NSF: variants seen among roughly 807,000 people sequenced by gnomAD.
NSF encodes the protein vesicle-fusing ATPase.
Under a neutral mutation model 50.3 loss-of-function variants are expected in NSF, and 14 were observed. The ratio of observed to expected loss-of-function variants is 0.28; its 90% CI spans 0.18 to 0.44. The LOEUF (loss-of-function observed/expected upper bound fraction) is 0.44. NSF is among the 20% of genes least tolerant of loss of function. The pLI is 1.00. For synonymous variants in NSF, 109 were observed against 175.7 expected (o/e 0.62, Z 3.00); for missense variants, 218 against 504.3 (o/e 0.43, Z 5.44).
At chr17:46,690,611 C>CAAAAAAA (rs771047574) in intron 9 of NSF, among the ~76,000 whole-genome samples, 1 of 91,864 alleles carries the variant, frequency 1.1e-5, no homozygotes, top group Non-Finnish European at 2.1e-5. Context: ...GACTCCGTCT[C>CAAAAAAA]AAAAAAAAAA....
At chr17:46,705,205 TC>T (rs1208117908) in intron 13 of NSF, among the ~76,000 whole-genome samples, 1 of 143,024 alleles carries the variant, frequency 7.0e-6, no homozygotes, top group Non-Finnish European at 1.5e-5. Flanking sequence ...CTAACTTCAG[TC>T]CATCTTCCAT....
At chr17:46,750,085 G>T (rs533313516) in intron 18 of NSF, among the ~76,000 whole-genome samples, 178 bp downstream of exon 18, 2 of 152,312 alleles carry the variant, frequency 1.3e-5, no homozygotes, top group African/African-American at 2.4e-5. Flanking sequence ...AGGCACGGTG[G>T]CTTATGCCTG....
chr17:46,661,378 T>TTATTATTATTA (rs2058299060), intron 8 of NSF, among the ~76,000 whole-genome samples: 5 of 106,550 alleles, frequency 4.7e-5, no homozygotes, highest in Admixed American at 2.0e-4. Context: ...TACATTTCTT[T>TTATTATTATTA]TTATTATTAT....
At chr17:46,752,736 A>C (rs997063859) in intron 19 of NSF, among the ~76,000 whole-genome samples, 1 of 151,958 alleles carries the variant, frequency 6.6e-6, no homozygotes, top group African/African-American at 2.4e-5. Context: ...GATTACAGGC[A>C]TGCACCACTA....
chr17:46,715,725 G>C (rs916997105), intron 15 of NSF, among the ~76,000 whole-genome samples: 1 of 152,104 alleles, frequency 6.6e-6, no homozygotes, highest in African/African-American at 2.4e-5. Context: ...GAAGGGGGAA[G>C]GTAATATGTG....
intron 15 of NSF, chr17:46,722,241 C>G: frequency 1.6e-6 from 2 of 1,218,762 alleles, no homozygotes; most frequent in Non-Finnish European, 2.4e-6. Context: ...GTCAAAATCC[C>G]TACATTCTTA....
intron 20 of NSF, 176 bp from the exon 21 acceptor site, chr17:46,755,626 A>G (rs542905043): frequency 2.8e-6 from 2 of 718,744 alleles, no homozygotes; most frequent in Non-Finnish European, 4.5e-6. Context: ...CTGCTTTTAC[A>G]TGCATGGAGC....
chr17:46,597,860 G>A (rs1206643523), intron 1 of NSF, among the ~76,000 whole-genome samples: 4 of 22,036 alleles, frequency 1.8e-4, no homozygotes, highest in African/African-American at 3.4e-4. Context: ...GTGCAGTGGC[G>A]CGATCTTGGC....
chr17:46,595,457 A>G (rs1398668205), intron 1 of NSF, among the ~76,000 whole-genome samples: 1 of 95,338 alleles, frequency 1.0e-5, no homozygotes, highest in Admixed American at 1.2e-4. Context: ...CTACTCAGCT[A>G]TCAAACATTG....
intron 15 of NSF, among the ~76,000 whole-genome samples, chr17:46,725,650 T>C (rs1157868213): frequency 2.0e-5 from 3 of 152,126 alleles, no homozygotes; most frequent in Non-Finnish European, 4.4e-5. Context: ...TCTTCAATGG[T>C]TAAAAGATAC....
At chr17:46,739,571 C>CA (rs1435689509) in intron 17 of NSF, among the ~76,000 whole-genome samples, 2 of 151,712 alleles carry the variant, frequency 1.3e-5, no homozygotes, top group Admixed American at 6.6e-5. Flanking sequence ...AACTGGGCTG[C>CA]AGTGAGAGCT....
chr17:46,676,279 C>G (rs369332489), intron 9 of NSF, among the ~76,000 whole-genome samples: 88,886 of 136,752 alleles, frequency 0.65, 30,456 homozygotes, highest in South Asian at 0.81. Flanking sequence ...GTTGCCCAGG[C>G]TGGAGTGCAA....
At chr17:46,648,225 AT>A (rs1332497659) in intron 8 of NSF, among the ~76,000 whole-genome samples, 1 of 41,876 alleles carries the variant, frequency 2.4e-5, no homozygotes, top group Non-Finnish European at 3.4e-5. Flanking sequence ...ATTTATAAAG[AT>A]TTTTTTTTAA....
chr17:46,753,637 CTA>C (rs1172096047), intron 19 of NSF, among the ~76,000 whole-genome samples: 3 of 151,588 alleles, frequency 2.0e-5, no homozygotes, highest in African/African-American at 7.3e-5. Context: ...ATAGAAGAAA[CTA>C]TGTGGATTTT....
chr17:46,746,203 T>G (rs1187028962), intron 17 of NSF, among the ~76,000 whole-genome samples: 1 of 152,208 alleles, frequency 6.6e-6, no homozygotes, highest in South Asian at 2.1e-4. Flanking sequence ...TCCTAGTTGA[T>G]TCCTCAAATA....
chr17:46,599,879 T>A (rs1440696757), intron 1 of NSF, among the ~76,000 whole-genome samples: 1 of 102,656 alleles, frequency 9.7e-6, no homozygotes. Context: ...AAAATAATAA[T>A]AATAAATAAA....
chr17:46,681,475 A>G (rs1412279848), intron 9 of NSF, among the ~76,000 whole-genome samples: 1 of 144,310 alleles, frequency 6.9e-6, no homozygotes, highest in African/African-American at 2.6e-5. Flanking sequence ...GGGCAACAGA[A>G]TGAGACCCTG....
chr17:46,708,886 G>A (rs1160407348), intron 13 of NSF, among the ~76,000 whole-genome samples: 2 of 138,206 alleles, frequency 1.4e-5, no homozygotes, highest in East Asian at 2.2e-4. Flanking sequence ...GTGCAGTGGC[G>A]CAATTTTGGC....
At chr17:46,678,913 A>T (rs1485229235) in intron 9 of NSF, among the ~76,000 whole-genome samples, 2 of 144,390 alleles carry the variant, frequency 1.4e-5, no homozygotes, top group African/African-American at 5.3e-5. Flanking sequence ...TAAATGGATG[A>T]ATGATCATAG....
Sources: allele counts gnomAD v4.1 joint callset (sites outside exome capture counted in the v4.1 genomes callset), GRCh38; gene constraint gnomAD v4.1.1; transcripts MANE v1.5; gene names NCBI Gene and HGNC (gene_info 2026-07-23, HGNC 2026-07-21).